PLA2G6: variants seen among roughly 807,000 people sequenced by gnomAD.
PLA2G6 encodes 85/88 kDa calcium-independent phospholipase A2.
Under a neutral mutation model 83.8 loss-of-function variants are expected in PLA2G6, and 62 were observed. The ratio of observed to expected loss-of-function variants is 0.74; its 90% CI spans 0.60 to 0.91. PLA2G6 has a LOEUF of 0.91. PLA2G6 is among the 40% of genes least tolerant of loss of function. PLA2G6 has a pLI of 0.00. For missense variants in PLA2G6, 944 were observed against 1,102.0 expected, an observed-to-expected ratio of 0.86 and a Z score of 2.03; for synonymous variants, 417 against 449.8, an observed-to-expected ratio of 0.93 and a Z score of 0.92.
rs896183391 is a variant in PLA2G6, at chr22:38,143,168, G to C, written c.546C>G (p.Thr182=). Residue 182 remains threonine (T), a synonymous_variant, in exon 4 of 17, where the codon ACC becomes ACG. Transcript: ENST00000332509. ...VQYCHTQMDV[T]DYKGETVFHY... ...GGAAGACGGTCTCTCCCTTGTAGTC[G>C]GTGACATCCATCTGAGTGTGGCAGT... is the stretch of plus-strand genomic sequence containing the variant. 2 of 1,614,164 alleles carry C rather than the reference G, an allele frequency of 1.2e-6. No homozygotes were observed. Among genetic ancestry groups the C allele is most frequent in the Non-Finnish European group, 1.7e-6 (2 of 1,180,016 alleles).
chr22:38,176,596 C>G (rs535950370), intron 1 of PLA2G6, among the ~76,000 whole-genome samples: 2 of 152,250 alleles, frequency 1.3e-5, no homozygotes, highest in Admixed American at 1.3e-4. Flanking sequence ...GCCAAGCTGC[C>G]CCAACTTCCT....
At position 38,123,043 on chromosome 22, in the gene PLA2G6, G is replaced by A; in HGVS notation, c.1591+52C>T. On this transcript the variant is annotated intron_variant, in intron 11 of 16. Transcript: ENST00000332509. The surrounding 1 kb of genome is among the most constrained non-coding windows in gnomAD (Gnocchi z 4.1). ...GCCCTGAAGACAAACTCGGCCCCTTGAGGACACAGGTCTCAGCCCCGCCTG... is the reference window on the plus strand; with the variant it reads ...GCCCTGAAGACAAACTCGGCCCCTTAAGGACACAGGTCTCAGCCCCGCCTG... The A allele has an allele frequency of 6.6e-7, 1 of 1,512,472 alleles. No individual in the cohort carries two copies. Among genetic ancestry groups the A allele is most frequent in the Non-Finnish European group, 8.9e-7 (1 of 1,119,796 alleles). The allele number at this position is 1,512,472 out of a possible 1,614,324, so 93.7% of individuals were successfully genotyped here.
At chr22:38,112,326 G>C in intron 16 of PLA2G6, 21 bp from the exon 17 acceptor site, 1 of 1,611,850 alleles carries the variant, frequency 6.2e-7, no homozygotes, top group Non-Finnish European at 8.5e-7. Flanking sequence ...CAGGGAGGAG[G>C]GGGTCACCCT....
chr22:38,134,680 T>C, intron 6 of PLA2G6: 1 of 400,096 alleles, frequency 2.5e-6, no homozygotes, highest in South Asian at 3.4e-5. Context: ...CACCTTCTAT[T>C]TGGGAAGCAC....
chr22:38,122,560 G>A lies in PLA2G6; in HGVS notation c.1591+535C>T, dbSNP rs577718301. ...CCAGGCTGGGAGTCTAGGGGACTGT[G>A]CTCCAGCCCAGCGACCCCATGGATG... On this transcript the variant is annotated intron_variant, in intron 11 of 16. Transcript: ENST00000332509. Among the ~76,000 whole-genome samples the A allele has an allele frequency of 2.0e-5, 3 of 152,300 alleles. No homozygotes were observed. In the South Asian group the frequency reaches 6.2e-4, roughly 32 times the overall value.
At chr22:38,127,236 G>A in intron 9 of PLA2G6, 1 of 1,216,210 alleles carries the variant, frequency 8.2e-7, no homozygotes, top group Non-Finnish European at 1.1e-6. Flanking sequence ...AGGGCACACG[G>A]CTCCACAGTG....
intron 1 of PLA2G6, among the ~76,000 whole-genome samples, chr22:38,178,036 G>A (rs1177055042): frequency 1.3e-5 from 2 of 152,132 alleles, no homozygotes; most frequent in East Asian, 3.9e-4. Flanking sequence ...AGAGCAAAAC[G>A]TCCTTTCACA....
intron 2 of PLA2G6, chr22:38,148,105 G>A (rs1283789872): frequency 4.7e-6 from 1 of 214,734 alleles, no homozygotes; most frequent in Non-Finnish European, 9.5e-6. Context: ...AATGACAACT[G>A]AAAACTCATC....
intron 15 of PLA2G6, 63 bp from the exon 16 acceptor site, chr22:38,112,640 G>C: frequency 7.3e-7 from 1 of 1,368,712 alleles, no homozygotes; most frequent in South Asian, 1.2e-5. Context: ...ACCCCGCCCG[G>C]CCCTGCCCTG....
rs909736663 is a variant in PLA2G6 at position 38,181,756 on chromosome 22, G to A, written c.-138C>T. ...GAGGAAGTTGGGGAACGGACCCCCAGGCCCCGCCCACCCGCGAGGTCACTC... is the reference window on the plus strand; with the variant it reads ...GAGGAAGTTGGGGAACGGACCCCCAAGCCCCGCCCACCCGCGAGGTCACTC... On this transcript the variant is annotated 5_prime_UTR_variant, in exon 1 of 17. Coordinates refer to ENST00000332509, the MANE Select transcript of PLA2G6 (RefSeq NM_003560.4). 2 of 152,266 alleles carry A rather than the reference G, an allele frequency of 1.3e-5. No individual in the cohort carries two copies. Among genetic ancestry groups the A allele is most frequent in the Non-Finnish European group, 2.9e-5 (2 of 68,068 alleles). 9.4% of individuals were successfully genotyped at this position (152,266 alleles called of 1,614,324 possible).
At chr22:38,157,052 T>C (rs1012129924) in intron 2 of PLA2G6, among the ~76,000 whole-genome samples, 18 of 152,144 alleles carry the variant, frequency 1.2e-4, no homozygotes, top group African/African-American at 4.3e-4. Context: ...AATCTAATGA[T>C]GTCTCTTAAA....
intron 8 of PLA2G6, 149 bp downstream of exon 8, chr22:38,129,305 C>G (rs367803981): frequency 1.4e-6 from 1 of 690,254 alleles, no homozygotes; most frequent in Non-Finnish European, 2.7e-6. Context: ...AGGAAGCCCC[C>G]TCTCTGAGTA....
intron 2 of PLA2G6, chr22:38,148,295 C>T (rs1357065992): frequency 2.2e-5 from 12 of 535,742 alleles, no homozygotes; most frequent in Non-Finnish European, 3.7e-5. Context: ...GAAAGGATAG[C>T]GAATGGGGAA....
chr22:38,145,784 AACACACAC>A (rs132936), intron 2 of PLA2G6, 131 bp from the exon 3 acceptor site: 14,408 of 483,108 alleles, frequency 0.03, 60 homozygotes, highest in East Asian at 0.036. Context: ...CTCCCAAGCA[AACACACAC>A]ACACACACAC....
chr22:38,128,525 TC>T lies in PLA2G6; in HGVS notation c.1187-96del. ...CCTCCTTTCCACACTCCGTCCCCTG[TC>T]CCAGCTCCCAGGCCCTGGGCACGTG... On this transcript the variant is annotated intron_variant, in intron 8 of 16. Transcript: ENST00000332509. The surrounding 1 kb of genome is among the most constrained non-coding windows in gnomAD (Gnocchi z 4.4). 1 of 1,354,610 alleles carries T rather than the reference TC, an allele frequency of 7.4e-7. No individual in the cohort carries two copies. The highest frequency in any genetic ancestry group is 1.0e-6 in the Non-Finnish European group (1 of 972,622). 83.9% of individuals were successfully genotyped at this position (1,354,610 alleles called of 1,614,324 possible).
At chr22:38,112,652 A>G in intron 15 of PLA2G6, 75 bp from the exon 16 acceptor site, 1 of 1,270,178 alleles carries the variant, frequency 7.9e-7, no homozygotes, top group South Asian at 1.3e-5. Flanking sequence ...CCTGCCCTGC[A>G]CTCTCGGAGC....
In PLA2G6 at chr22:38,128,386, C is replaced by T; in HGVS notation, c.1231G>A (p.Ala411Thr). The T allele has an allele frequency of 6.2e-7, 1 of 1,614,020 alleles. No homozygotes were observed. Residue 411 changes from alanine to threonine, a missense_variant, in exon 9 of 17, where the codon GCC (alanine) becomes ACC (threonine). By Grantham distance (58) the Ala-to-Thr change is moderately conservative. Coordinates refer to ENST00000332509, the MANE Select transcript of PLA2G6 (RefSeq NM_003560.4). This position sits in a 1 kb window ranked among gnomAD's most constrained non-coding sequence, Gnocchi z 4.4. ...TGGATGGGTGGGAAGCAGTATTCGG[C>T]CCCCACGGTTCTCAGCAGAGTCAAG... Reference protein sequence around the residue: ...AILTLLRTVGAEYCFPPIHGV... With the variant: ...AILTLLRTVGTEYCFPPIHGV...
chr22:38,124,990 A>G (rs921111295), intron 10 of PLA2G6, among the ~76,000 whole-genome samples: 2 of 152,196 alleles, frequency 1.3e-5, no homozygotes, highest in Non-Finnish European at 2.9e-5. Flanking sequence ...CTCTTGCCTC[A>G]GCCCCGCTCC....
chr22:38,175,131 T>C (rs2090585509), intron 1 of PLA2G6, among the ~76,000 whole-genome samples: 1 of 152,104 alleles, frequency 6.6e-6, no homozygotes, highest in Non-Finnish European at 1.5e-5. Context: ...CTCCTCCCCT[T>C]TGGAAGGTCT....
Sources: gnomAD v4.1 joint callset for allele counts (sites outside exome capture counted in the v4.1 genomes callset) on GRCh38, gnomAD v4.1.1 for gene constraint, Gnocchi (gnomAD v3.1) non-coding constraint, MANE v1.5 for transcripts, NCBI Gene and HGNC (gene_info 2026-07-23, HGNC 2026-07-21) for gene names.